Variants in CENPK observed in about 807,000 individuals in gnomAD.
CENPK encodes SoxLZ/Sox6-binding protein Solt.
CENPK carries 46 observed loss-of-function variants against 40.9 expected under a neutral mutation model. That is an observed-to-expected ratio of 1.13 (90% CI 0.89 to 1.44). The LOEUF is 1.44. Ranked by LOEUF, CENPK falls within the 40% of genes most tolerant of loss-of-function variation. The pLI, the probability that CENPK is intolerant of heterozygous loss-of-function variation, is 0.00. For missense variants in CENPK, 288 were observed against 303.5 expected, an observed-to-expected ratio of 0.95 and a Z score of 0.38; for synonymous variants, 107 against 104.4, an observed-to-expected ratio of 1.02 and a Z score of -0.15.
Position 65,517,883 on chromosome 5 carries a change from T to G in CENPK, c.*592A>C, listed in dbSNP as rs2150326376. ...ATCAAGAGTAGATTAATATATAAGG[T>G]AACATGATATATTAATAATACAAAC... On this transcript the variant is annotated 3_prime_UTR_variant, in exon 11 of 11. Coordinates refer to ENST00000396679, the MANE Select transcript of CENPK (RefSeq NM_022145.5). The G allele has an allele frequency of 6.6e-6, 1 of 152,194 alleles. No homozygotes were observed. The highest frequency in any genetic ancestry group is 2.1e-4 in the South Asian group (1 of 4,828). The allele number at this position is 152,194 out of a possible 1,614,324, so 9.4% of individuals were successfully genotyped here.
Position 65,551,571 on chromosome 5 carries a change from TG to T in CENPK, c.233del (p.Thr78AsnfsTer7). 1 of 1,523,458 alleles carries T rather than the reference TG, an allele frequency of 6.6e-7. No individual in the cohort carries two copies. Among genetic ancestry groups the T allele is most frequent in the Non-Finnish European group, 9.0e-7 (1 of 1,117,148 alleles). 94.4% of individuals were successfully genotyped at this position (1,523,458 alleles called of 1,614,324 possible). ...TAELSQWQKK[T>X]PETIPLTEDV... Reference sequence around the variant, plus strand: ...TTAAAATAAGAATCTTACTTTCAGGTGTTTTTTTCTGCCATTGACTGAGTTC... The same window carrying T: ...TTAAAATAAGAATCTTACTTTCAGGTTTTTTTTCTGCCATTGACTGAGTTC... On this transcript the variant is annotated frameshift_variant, in exon 5 of 11. Coordinates refer to ENST00000396679, the MANE Select transcript of CENPK (RefSeq NM_022145.5). LOFTEE classifies it high-confidence loss of function.
chr5:65,560,323 T>C lies in CENPK; in HGVS notation c.-40+1140A>G, dbSNP rs1041659582. On this transcript the variant is annotated intron_variant, in intron 2 of 10. Transcript: ENST00000396679. ...CCAAACAACTCACCATTAAAAAAAA[T>C]TTAAAAAAGATTACCAAAAAAGTCA... Among the ~76,000 whole-genome samples, 10 of 151,728 alleles carry C rather than the reference T, an allele frequency of 6.6e-5. No individual in the cohort carries two copies. In the South Asian group the frequency reaches 1.7e-3, roughly 25 times the overall value.
chr5:65,553,837 T>C (rs548977538), intron 3 of CENPK, among the ~76,000 whole-genome samples: 1 of 152,358 alleles, frequency 6.6e-6, no homozygotes, highest in South Asian at 2.1e-4. Context: ...TTCTGCATTC[T>C]ATTTTCTTCA....
chr5:65,516,838 A>G (rs1580856793), downstream of CENPK, among the ~76,000 whole-genome samples: 1 of 152,222 alleles, frequency 6.6e-6, no homozygotes. Flanking sequence ...AAAATGCAAT[A>G]AAGTATTTGA....
At chr5:65,498,609 CT>C in the CENPK span, among the ~76,000 whole-genome samples, 4 of 148,836 alleles carry the variant, frequency 2.7e-5, no homozygotes, top group Non-Finnish European at 5.9e-5. Flanking sequence ...TCTTTCTTTT[CT>C]TTTTTTCTTT....
At chr5:65,501,764 T>C in the CENPK span, among the ~76,000 whole-genome samples, 1 of 152,126 alleles carries the variant, frequency 6.6e-6, no homozygotes, top group Admixed American at 6.5e-5. Context: ...TGGGCAGCTG[T>C]GGAAATTCAG....
intron 2 of CENPK, among the ~76,000 whole-genome samples, chr5:65,559,340 C>A (rs1034427727): frequency 6.6e-6 from 1 of 152,092 alleles, no homozygotes; most frequent in Admixed American, 6.5e-5. Context: ...GTAAAATTTA[C>A]ATGGAAGGGC....
At chr5:65,502,081 G>A in the CENPK span, among the ~76,000 whole-genome samples, 1 of 152,284 alleles carries the variant, frequency 6.6e-6, no homozygotes, top group South Asian at 2.1e-4. Context: ...AGCTCAACAA[G>A]GGTGGAAGCT....
intron 6 of CENPK, among the ~76,000 whole-genome samples, chr5:65,530,457 T>C (rs1464304989): frequency 6.6e-6 from 1 of 152,190 alleles, no homozygotes; most frequent in Non-Finnish European, 1.5e-5. Flanking sequence ...AGCAAAAGAA[T>C]GTTCCAGGGA....
intron 9 of CENPK, among the ~76,000 whole-genome samples, chr5:65,522,091 C>A (rs1172180034): frequency 1.3e-5 from 2 of 152,026 alleles, no homozygotes; most frequent in Admixed American, 1.3e-4. Context: ...TTAAAACTAT[C>A]CATAAGCATA....
the CENPK span, among the ~76,000 whole-genome samples, chr5:65,499,664 T>C: frequency 1.3e-4 from 13 of 98,036 alleles, no homozygotes; most frequent in East Asian, 2.8e-3. Context: ...TTTTTTTTTT[T>C]TAATTTTTTT....
intron 5 of CENPK, among the ~76,000 whole-genome samples, chr5:65,546,236 G>C (rs200359298): frequency 1.7e-3 from 92 of 54,530 alleles, no homozygotes; most frequent in African/African-American, 5.6e-3. Flanking sequence ...CTGCCCCCCC[G>C]CTCAGGTGAT....
chr5:65,529,027 TG>T lies in CENPK; in HGVS notation c.372-11del. ...CAACCACCGTTGTTCCCTTTCGACA[TG>T]GAAAAACAATACAAGCAATATCTAA... On this transcript the variant is annotated splice_polypyrimidine_tract_variant and intron_variant, in intron 7 of 10. Transcript: ENST00000396679. 1.3e-6 allele frequency: 2 copies of T among 1,591,454 alleles called. No homozygotes were observed. The highest frequency in any genetic ancestry group is 1.7e-6 in the Non-Finnish European group (2 of 1,162,490).
the CENPK span, among the ~76,000 whole-genome samples, chr5:65,496,455 T>C: frequency 2.0e-5 from 3 of 152,172 alleles, no homozygotes; most frequent in South Asian, 4.1e-4. Context: ...TTAAAAATGT[T>C]TTTTCTAATA....
intron 5 of CENPK, among the ~76,000 whole-genome samples, chr5:65,545,745 T>G (rs1413102383): frequency 1.3e-5 from 2 of 152,188 alleles, no homozygotes; most frequent in African/African-American, 4.8e-5. Flanking sequence ...ACAACTTCAG[T>G]AAGCTTGGAG....
At chr5:65,515,050 T>C (rs1742765822), downstream of CENPK, among the ~76,000 whole-genome samples, 2 of 151,388 alleles carry the variant, frequency 1.3e-5, no homozygotes, top group Admixed American at 1.3e-4. Context: ...TATTGATTTC[T>C]ACTCTATTTC....
At position 65,518,391 on chromosome 5, in the gene CENPK, A is replaced by G; in HGVS notation, c.*84T>C. On this transcript the variant is annotated 3_prime_UTR_variant, in exon 11 of 11. Transcript: ENST00000396679. The stretch of plus-strand genomic sequence containing the variant: ...GGCCTATGCGCATTAATTTGCAAAT[A>G]ATGTTTTTTATCCAAATAGTCCTGT... 1.4e-6 allele frequency: 2 copies of G among 1,385,120 alleles called. No homozygotes were observed. Among genetic ancestry groups the G allele is most frequent in the Non-Finnish European group, 2.0e-6 (2 of 1,004,024 alleles). The allele number at this position is 1,385,120 out of a possible 1,614,324, so 85.8% of individuals were successfully genotyped here.
chr5:65,528,802 CA>C (rs1368794435), intron 8 of CENPK, 116 bp downstream of exon 8: 4 of 913,806 alleles, frequency 4.4e-6, no homozygotes, highest in Non-Finnish European at 6.4e-6. Context: ...TAATAGTTAA[CA>C]AAAGTTAGGG....
At chr5:65,550,399 G>C (rs183884360) in intron 5 of CENPK, 1 of 152,250 alleles carries the variant, frequency 6.6e-6, no homozygotes, top group East Asian at 1.9e-4. Flanking sequence ...CAATATTCTT[G>C]TGTTTTAAGG....
Sources: gnomAD v4.1 joint callset for allele counts (sites outside exome capture counted in the v4.1 genomes callset) on GRCh38, gnomAD v4.1.1 for gene constraint, MANE v1.5 for transcripts, NCBI Gene and HGNC (gene_info 2026-07-23, HGNC 2026-07-21) for gene names.